GRAP: variants seen among roughly 807,000 people sequenced by gnomAD.
GRAP encodes the protein GRB2 related adaptor protein.
Under a neutral mutation model 9.1 loss-of-function variants are expected in GRAP, and 2 were observed. That is an observed-to-expected ratio of 0.22 (90% CI 0.09 to 0.69). GRAP has a LOEUF of 0.69. Ranked by LOEUF, GRAP falls within the 30% of genes least tolerant of loss-of-function variation. The pLI, the probability that GRAP is intolerant of heterozygous loss-of-function variation, is 0.81. For missense variants in GRAP, 113 were observed against 179.4 expected (o/e 0.63, Z 2.12); for synonymous variants, 68 against 73.6 (o/e 0.92, Z 0.39).
chr17:19,025,580 C>A (rs544553653), intron 3 of GRAP, among the ~76,000 whole-genome samples: 1 of 134,126 alleles, frequency 7.5e-6, no homozygotes, highest in Non-Finnish European at 1.6e-5. Context: ...TCTAGCCCAG[C>A]GGAGGAGAGA....
At chr17:19,023,387 A>T (rs1211683939) in intron 4 of GRAP, among the ~76,000 whole-genome samples, 1 of 152,128 alleles carries the variant, frequency 6.6e-6, no homozygotes, top group African/African-American at 2.4e-5. Context: ...GCCTCTCCCC[A>T]GGCCTTGGCC....
chr17:19,027,366 C>A (rs1329461591), intron 3 of GRAP, among the ~76,000 whole-genome samples: 1 of 148,128 alleles, frequency 6.8e-6, no homozygotes, highest in African/African-American at 2.5e-5. Context: ...GGTAGATAGC[C>A]CCTCAGCCTC....
Position 19,020,776 on chromosome 17 carries a change from T to C in GRAP, c.*1183A>G. The C allele has an allele frequency of 3.2e-6, 1 of 310,518 alleles. No homozygotes were observed. The highest frequency in any genetic ancestry group is 4.4e-5 in the Admixed American group (1 of 22,944). The allele number at this position is 310,518 out of a possible 1,614,324, so 19.2% of individuals were successfully genotyped here. A position where few individuals can be genotyped will look rare whatever the true frequency, so the allele number is the denominator to read the frequency against. ...CCAGCACTCAGGGTTCTAAGGGTCT[T>C]GGGCCAGCTCTGGATGGAGGAAGAG... On this transcript the variant is annotated 3_prime_UTR_variant, in exon 5 of 5. Transcript: ENST00000284154.
chr17:19,023,881 G>C (rs1480194694), intron 4 of GRAP, among the ~76,000 whole-genome samples: 1 of 152,020 alleles, frequency 6.6e-6, no homozygotes, highest in East Asian at 1.9e-4. Flanking sequence ...GTGGGGGTCT[G>C]TACCTTCCTT....
chr17:19,023,675 G>A (rs1045970007), intron 4 of GRAP, among the ~76,000 whole-genome samples: 7 of 121,682 alleles, frequency 5.8e-5, no homozygotes, highest in Admixed American at 4.7e-4. Flanking sequence ...CCAGGATCTC[G>A]CCCACCAGCA....
rs550844610 is a variant in GRAP, at chr17:19,024,338, C to T, written c.345G>A (p.Ser115=). 2.3e-5 allele frequency: 37 copies of T among 1,611,992 alleles called. No homozygotes were observed. The highest frequency in any genetic ancestry group is 1.8e-4 in the Middle Eastern group (1 of 5,518). The change falls in exon 4 of 5, where the codon TCG becomes TCA. Residue 115 remains serine, a synonymous_variant. Coordinates refer to ENST00000284154, the MANE Select transcript of GRAP (RefSeq NM_006613.4). The surrounding 1 kb of genome is among the most constrained non-coding windows in gnomAD (Gnocchi z 4.2). ...TCTCCTCCCACAGGAAGTACTTCCC[C>T]GAGGCCTCACGCAGCACCTTGAAGT... ...VQHFKVLREA[S]GKYFLWEEKF...
At chr17:19,022,469 G>A in intron 4 of GRAP, 1 of 294,670 alleles carries the variant, frequency 3.4e-6, no homozygotes, top group Non-Finnish European at 6.3e-6. Flanking sequence ...CTTCTCTTGG[G>A]ATCTTATTTA....
chr17:19,029,861 AGAG>A (rs1170524553), intron 3 of GRAP, among the ~76,000 whole-genome samples: 25 of 27,926 alleles, frequency 9.0e-4, no homozygotes, highest in Admixed American at 7.7e-3. Flanking sequence ...TCCCAGAGCC[AGAG>A]GAGGGAGGGG....
chr17:19,024,960 TG>T lies in GRAP; in HGVS notation c.300-578del, dbSNP rs1456445694. On this transcript the variant is annotated intron_variant, in intron 3 of 4. Coordinates refer to ENST00000284154, the MANE Select transcript of GRAP (RefSeq NM_006613.4). The surrounding 1 kb of genome is among the most constrained non-coding windows in gnomAD (Gnocchi z 4.2). ...TCCTCCCCCTCCCATGAACCTTCCG[TG>T]GCTTCTCCCTTGGCCTCAGGGTAAA... 6.6e-6 allele frequency among the ~76,000 whole-genome samples: 1 copy of T among 152,156 alleles called. No individual in the cohort carries two copies. The highest frequency in any genetic ancestry group is 1.5e-5 in the Non-Finnish European group (1 of 68,018).
chr17:19,027,480 G>GCACACACACACACACACA (rs771916548), intron 3 of GRAP, among the ~76,000 whole-genome samples: 1 of 69,374 alleles, frequency 1.4e-5, no homozygotes, highest in Non-Finnish European at 4.1e-5. Flanking sequence ...GCGCGCGCGC[G>GCACACACACACACACACA]CGCGCACACA....
rs1239287948 is a variant in GRAP at position 19,030,278 on chromosome 17, G to A, written c.299+5680C>T. On this transcript the variant is annotated intron_variant, in intron 3 of 4. Transcript: ENST00000284154. ...CAGCAGCAGCAGCAAAGGTAACAGT[G>A]TCAGCCCAGAGAGGAAAAACAAGGC... 5.2e-5 allele frequency: 22 copies of A among 421,922 alleles called. 1 individual carries two copies. The highest frequency in any genetic ancestry group is 1.4e-4 in the Admixed American group (5 of 35,808). 26.1% of individuals were successfully genotyped at this position (421,922 alleles called of 1,614,324 possible). A position where few individuals can be genotyped will look rare whatever the true frequency, so the allele number is the denominator to read the frequency against.
Position 19,021,857 on chromosome 17 carries a change from A to C in GRAP, c.*102T>G. ...GCCCACGTTCAGTCCAAGGCCGTCC[A>C]CTGAGCCCCGTGTGACTCTGACAGA... On this transcript the variant is annotated 3_prime_UTR_variant, in exon 5 of 5. Coordinates refer to ENST00000284154, the MANE Select transcript of GRAP (RefSeq NM_006613.4). The surrounding 1 kb of genome is among the most constrained non-coding windows in gnomAD (Gnocchi z 4.1). The C allele has an allele frequency of 7.9e-7, 1 of 1,267,234 alleles. No individual in the cohort carries two copies. Among genetic ancestry groups the C allele is most frequent in the Non-Finnish European group, 1.0e-6 (1 of 966,978 alleles). The allele number at this position is 1,267,234 out of a possible 1,614,324, so 78.5% of individuals were successfully genotyped here.
At chr17:19,025,254 C>G (rs1269911432) in intron 3 of GRAP, among the ~76,000 whole-genome samples, 2 of 148,612 alleles carry the variant, frequency 1.3e-5, no homozygotes, top group African/African-American at 2.5e-5. Context: ...TGCAATGGCG[C>G]TATCTCGGCT....
At chr17:19,023,136 C>A (rs1397717553) in intron 4 of GRAP, among the ~76,000 whole-genome samples, 1 of 152,158 alleles carries the variant, frequency 6.6e-6, no homozygotes. Flanking sequence ...GAAAAGTGCC[C>A]TGAGGCTGGG....
At position 19,021,928 on chromosome 17, in the gene GRAP, G is replaced by A. The variant is rs1460441203; in HGVS notation, c.*31C>T. 1 of 1,469,408 alleles carries A rather than the reference G, an allele frequency of 6.8e-7. No homozygotes were observed. Among genetic ancestry groups the A allele is most frequent in the Non-Finnish European group, 9.0e-7 (1 of 1,111,040 alleles). 91.0% of individuals were successfully genotyped at this position (1,469,408 alleles called of 1,614,324 possible). On this transcript the variant is annotated 3_prime_UTR_variant, in exon 5 of 5. Transcript: ENST00000284154. The surrounding 1 kb of genome is among the most constrained non-coding windows in gnomAD (Gnocchi z 4.1). ...CTCTGGACCTCAGTTCCTGTAAAAA[G>A]GCCCGTTGGCCAGATCGGCCGCCGG...
intron 3 of GRAP, among the ~76,000 whole-genome samples, chr17:19,027,365 C>T (rs1597927206): frequency 6.7e-6 from 1 of 148,156 alleles, no homozygotes; most frequent in Non-Finnish European, 1.5e-5. Flanking sequence ...AGGTAGATAG[C>T]CCCTCAGCCT....
chr17:19,023,230 T>G (rs1358739206), intron 4 of GRAP, among the ~76,000 whole-genome samples: 1 of 152,142 alleles, frequency 6.6e-6, no homozygotes, highest in Non-Finnish European at 1.5e-5. Context: ...AGGCACTGTT[T>G]GACTCCCCTG....
Position 19,020,790 on chromosome 17 carries a change from A to G in GRAP, c.*1169T>C, listed in dbSNP as rs1001952847. On this transcript the variant is annotated 3_prime_UTR_variant, in exon 5 of 5. Coordinates refer to ENST00000284154, the MANE Select transcript of GRAP (RefSeq NM_006613.4). ...TCTAAGGGTCTTGGGCCAGCTCTGG[A>G]TGGAGGAAGAGCCCCACATGCCCAG... 1.6e-5 allele frequency: 4 copies of G among 255,604 alleles called. No homozygotes were observed. Among genetic ancestry groups the G allele is most frequent in the Admixed American group, 4.8e-5 (1 of 20,622 alleles). The allele number at this position is 255,604 out of a possible 1,614,324, so 15.8% of individuals were successfully genotyped here. A position where few individuals can be genotyped will look rare whatever the true frequency, so the allele number is the denominator to read the frequency against.
At chr17:19,023,629 CG>C (rs1597925227) in intron 4 of GRAP, among the ~76,000 whole-genome samples, 4 of 137,290 alleles carry the variant, frequency 2.9e-5, no homozygotes, top group South Asian at 5.3e-4. Context: ...TGGATGACCC[CG>C]ACCCCCCACC....
Sources: gnomAD v4.1 joint callset for allele counts (sites outside exome capture counted in the v4.1 genomes callset) on GRCh38, gnomAD v4.1.1 for gene constraint, Gnocchi (gnomAD v3.1) non-coding constraint, MANE v1.5 for transcripts, NCBI Gene and HGNC (gene_info 2026-07-23, HGNC 2026-07-21) for gene names.